The following STARD3 variants were observed in gnomAD, a reference collection of about 807,000 sequenced individuals.
STARD3 encodes StAR related lipid transfer domain containing 3, also known as stAR-related lipid transfer protein 3.
Under a neutral mutation model 62.0 loss-of-function variants are expected in STARD3, and 39 were observed. That is an observed-to-expected ratio of 0.63 (90% CI 0.49 to 0.82). The LOEUF is 0.82. Among genes scored for constraint, STARD3 ranks in the 40% least tolerant of loss-of-function variants. The probability of loss-of-function intolerance (pLI) is 0.00; values close to 1 mark genes in which losing one functional copy is unlikely to be tolerated. For missense variants in STARD3, 543 were observed against 584.5 expected, an observed-to-expected ratio of 0.93 and a Z score of 0.73; for synonymous variants, 229 against 242.4, an observed-to-expected ratio of 0.94 and a Z score of 0.51.
intron 1 of STARD3, chr17:39,637,539 CAGG>C: frequency 1.3e-5 from 2 of 152,218 alleles, no homozygotes; most frequent in South Asian, 4.2e-4. Context: ...GTGTTATGAG[CAGG>C]GGCAGGTATG....
intron 1 of STARD3, among the ~76,000 whole-genome samples, chr17:39,646,603 A>G (rs972164571): frequency 2.6e-5 from 4 of 152,196 alleles, no homozygotes; most frequent in Admixed American, 2.6e-4. Flanking sequence ...CAGAAGGGTT[A>G]TGCTTTGCCC....
intron 1 of STARD3, among the ~76,000 whole-genome samples, chr17:39,644,560 T>C (rs2057007642): frequency 6.7e-6 from 1 of 148,448 alleles, no homozygotes; most frequent in Non-Finnish European, 1.5e-5. Flanking sequence ...AGGCCAGGTA[T>C]AAAAGCCTAA....
chr17:39,660,824 G>A lies in STARD3; in HGVS notation c.969G>A (p.Val323=), dbSNP rs2057189039. The A allele has an allele frequency of 1.3e-6, 2 of 1,589,116 alleles. No homozygotes were observed. The highest frequency in any genetic ancestry group is 1.1e-5 in the South Asian group (1 of 87,094). Reference sequence around the variant, plus strand: ...ACGGCCCTCAGATCCTGCAGCGAGTGGAAGACAACACCCTCATCTCCTATG... The same window carrying A: ...ACGGCCCTCAGATCCTGCAGCGAGTAGAAGACAACACCCTCATCTCCTATG... The part of the protein sequence containing the change: ...TVTACQILQR[V]EDNTLISYDV... Residue 323 remains valine, a synonymous_variant, in exon 12 of 15, where the codon GTG becomes GTA. Coordinates refer to ENST00000336308, the MANE Select transcript of STARD3 (RefSeq NM_006804.4). The surrounding 1 kb of genome is among the most constrained non-coding windows in gnomAD (Gnocchi z 4.8).
chr17:39,653,473 GC>G lies in STARD3; in HGVS notation c.-51-3del. On this transcript the variant is annotated splice_region_variant and splice_polypyrimidine_tract_variant and intron_variant, in intron 1 of 14. Coordinates refer to ENST00000336308, the MANE Select transcript of STARD3 (RefSeq NM_006804.4). ...TTTGACAGGACTCTGCCTCTGCCTC[GC>G]CCCCAGCCCTGCTGCTGAGGCCGCG... The G allele has an allele frequency of 6.4e-7, 1 of 1,561,664 alleles. No individual in the cohort carries two copies. Among genetic ancestry groups the G allele is most frequent in the Admixed American group, 1.7e-5 (1 of 57,892 alleles).
At chr17:39,645,811 A>G (rs1047752983) in intron 1 of STARD3, among the ~76,000 whole-genome samples, 1 of 142,800 alleles carries the variant, frequency 7.0e-6, no homozygotes, top group African/African-American at 2.7e-5. Flanking sequence ...ACCACCACTG[A>G]CCAAGCGGTT....
chr17:39,647,206 TA>T (rs35693151), intron 1 of STARD3, among the ~76,000 whole-genome samples: 12,853 of 140,068 alleles, frequency 0.092, 1,075 homozygotes, highest in African/African-American at 0.23. Context: ...TCAAAAAAGT[TA>T]AAAAAAAAAA....
chr17:39,658,518 G>T lies in STARD3; in HGVS notation c.543G>T (p.Glu181Asp), dbSNP rs140933373. 1 of 1,613,778 alleles carries T rather than the reference G, an allele frequency of 6.2e-7. No homozygotes were observed. The highest frequency in any genetic ancestry group is 8.5e-7 in the Non-Finnish European group (1 of 1,179,798). ...TCCTACCCCAGGAAGCTGAAGAGGA[G>T]CGATGTGAGTGCTTGCGGGTAGGGG... ...FKVLPQEAEEERWYLAAQVAV... is the reference protein window; with the variant it reads ...FKVLPQEAEEDRWYLAAQVAV... Residue 181 changes from glutamate (E) to aspartate (D), a missense_variant, in exon 6 of 15, where the codon GAG (glutamate) becomes GAT (aspartate). By Grantham distance (45) the Glu-to-Asp change is conservative. Coordinates refer to ENST00000336308, the MANE Select transcript of STARD3 (RefSeq NM_006804.4).
At chr17:39,657,946 C>CCCTT (rs1567859793) in intron 4 of STARD3, 27 bp from the exon 5 acceptor site, 1 of 1,604,554 alleles carries the variant, frequency 6.2e-7, no homozygotes, top group Non-Finnish European at 8.5e-7. Context: ...CTCTGCCTTC[C>CCCTT]CCTTCCTCCC....
At chr17:39,661,136 C>T (rs2934960) in intron 13 of STARD3, 51 bp downstream of exon 13, 84,032 of 1,550,038 alleles carry the variant, frequency 0.054, 2,740 homozygotes, top group African/African-American at 0.069. Flanking sequence ...CCCCTGGGAG[C>T]ATTGAGCAGT....
At chr17:39,653,436 G>A in intron 1 of STARD3, 45 bp from the exon 2 acceptor site, 1 of 1,314,850 alleles carries the variant, frequency 7.6e-7, no homozygotes, top group South Asian at 1.4e-5. Flanking sequence ...TGTGTGGGAG[G>A]GACAGGAGGA....
In STARD3 at chr17:39,663,416, C is replaced by T. The variant is rs2057223560; in HGVS notation, c.*508C>T. ...CTGCCTCTCCCAGGCTGTCCCCCTC[C>T]TCCCAGGGCCTCCTGGGGGACCTTT... On this transcript the variant is annotated 3_prime_UTR_variant, in exon 15 of 15. Transcript: ENST00000336308. 8.1e-6 allele frequency: 2 copies of T among 246,562 alleles called. No homozygotes were observed. Among genetic ancestry groups the T allele is most frequent in the South Asian group, 1.8e-4 (1 of 5,702 alleles). The allele number at this position is 246,562 out of a possible 1,614,324, so 15.3% of individuals were successfully genotyped here.
Position 39,661,051 on chromosome 17 carries a change from C to G in STARD3, c.1105C>G (p.His369Asp), listed in dbSNP as rs1333695320. Reference sequence around the variant, plus strand: ...CTTGTCATCAGGGATCGCCACCTCACACAGTGCCAAGCCCCCGACGCACAA... The same window carrying G: ...CTTGTCATCAGGGATCGCCACCTCAGACAGTGCCAAGCCCCCGACGCACAA... ...RYLSSGIATS[H>D]SAKPPTHKYV... The change falls in exon 13 of 15, where the codon CAC becomes GAC. Residue 369 changes from histidine (H) to aspartate (D), a missense_variant. His to Asp is a moderately conservative substitution (Grantham distance 81). Transcript: ENST00000336308. 4 of 1,613,644 alleles carry G rather than the reference C, an allele frequency of 2.5e-6. No individual in the cohort carries two copies. In the African/African-American group the frequency reaches 4.0e-5, roughly 16 times the overall value.
At chr17:39,658,974 C>CA (rs1318925623) in intron 7 of STARD3, 77 bp from the exon 8 acceptor site, 6 of 1,592,990 alleles carry the variant, frequency 3.8e-6, no homozygotes, top group Non-Finnish European at 5.2e-6. Flanking sequence ...TCCTTGCACT[C>CA]ACATACCCGA....
At chr17:39,650,750 G>C (rs1306060897) in intron 1 of STARD3, among the ~76,000 whole-genome samples, 2 of 152,166 alleles carry the variant, frequency 1.3e-5, no homozygotes, top group Non-Finnish European at 2.9e-5. Context: ...GAAGTTGAAG[G>C]CTGCAGTGAG....
chr17:39,654,441 G>A (rs961152922), intron 2 of STARD3, among the ~76,000 whole-genome samples: 1 of 152,216 alleles, frequency 6.6e-6, no homozygotes, highest in Non-Finnish European at 1.5e-5. Context: ...ACAGTGGGAA[G>A]CAAAACAGGA....
chr17:39,653,571 C>G lies in STARD3; in HGVS notation c.40C>G (p.Arg14Gly). The change falls in exon 2 of 15, where the codon CGC becomes GGC. Residue 14 changes from arginine to glycine, a missense_variant. Physicochemically the swap from Arg to Gly is moderately radical, Grantham distance 125 (BLOSUM62 -2). Transcript: ENST00000336308. ...LPRELTRDLE[R>G]SLPAVASLGS... ...CAGGGAGCTGACCCGAGACTTGGAG[C>G]GCAGCCTGCCTGCCGTGGCCTCCCT... is the stretch of plus-strand genomic sequence containing the variant. 6.2e-7 allele frequency: 1 copy of G among 1,608,412 alleles called. No individual in the cohort carries two copies.
chr17:39,640,319 C>T (rs2056972099), intron 1 of STARD3, among the ~76,000 whole-genome samples: 1 of 152,218 alleles, frequency 6.6e-6, no homozygotes, highest in African/African-American at 2.4e-5. Context: ...AGAGCTGTCT[C>T]CTGACTCCAG....
intron 14 of STARD3, 43 bp from the exon 15 acceptor site, chr17:39,662,761 G>A: frequency 4.5e-6 from 7 of 1,554,714 alleles, no homozygotes; most frequent in Non-Finnish European, 6.1e-6. Context: ...AGACCCTGCT[G>A]AGGGCAGGCC....
At chr17:39,643,784 A>G (rs1310725189) in intron 1 of STARD3, among the ~76,000 whole-genome samples, 3 of 152,254 alleles carry the variant, frequency 2.0e-5, no homozygotes, top group African/African-American at 4.8e-5. Flanking sequence ...TCTCTGGAGA[A>G]GAGCAGGAAA....
Sources: gnomAD v4.1 joint callset for allele counts (sites outside exome capture counted in the v4.1 genomes callset) on GRCh38, gnomAD v4.1.1 for gene constraint, Gnocchi (gnomAD v3.1) non-coding constraint, MANE v1.5 for transcripts, NCBI Gene and HGNC (gene_info 2026-07-23, HGNC 2026-07-21) for gene names.